RGS7: variants seen among roughly 807,000 people sequenced by gnomAD.
RGS7 encodes regulator of G protein signaling 7.
In RGS7, 27 loss-of-function variants were observed where a neutral mutation model predicts 81.1. That is an observed-to-expected ratio of 0.33 (90% CI 0.25 to 0.46). RGS7 has a LOEUF of 0.46. Ranked by LOEUF, RGS7 falls within the 20% of genes least tolerant of loss-of-function variation. RGS7 has a pLI of 1.00. For missense variants in RGS7, 396 were observed against 607.4 expected (o/e 0.65, Z 3.66); for synonymous variants, 208 against 207.7 (o/e 1.00, Z -0.01).
chr1:241,262,452 A>G (rs2077387100), intron 2 of RGS7, among the ~76,000 whole-genome samples: 1 of 152,232 alleles, frequency 6.6e-6, no homozygotes, highest in Non-Finnish European at 1.5e-5. Context: ...GTTCATGGGC[A>G]CTATCAACAA....
intron 9 of RGS7, among the ~76,000 whole-genome samples, chr1:240,844,783 A>G (rs1349970909): frequency 6.6e-6 from 1 of 152,242 alleles, no homozygotes; most frequent in Non-Finnish European, 1.5e-5. Flanking sequence ...AGAGCACAAA[A>G]GAAATATTTA....
At chr1:241,000,215 G>A (rs1221723988) in intron 3 of RGS7, among the ~76,000 whole-genome samples, 3 of 152,226 alleles carry the variant, frequency 2.0e-5, no homozygotes, top group Non-Finnish European at 4.4e-5. Context: ...GTGGATGGGG[G>A]AAAGGAGGTC....
intron 6 of RGS7, among the ~76,000 whole-genome samples, chr1:240,926,698 C>T (rs1404552063): frequency 6.6e-6 from 1 of 152,170 alleles, no homozygotes; most frequent in East Asian, 1.9e-4. Context: ...GTCCTTAGTG[C>T]TGGATCTCTC....
chr1:240,943,797 G>A (rs1309734223), intron 4 of RGS7, among the ~76,000 whole-genome samples: 1 of 152,190 alleles, frequency 6.6e-6, no homozygotes, highest in East Asian at 1.9e-4. Context: ...AATACCAGAT[G>A]CCAATGAGAG....
At chr1:241,029,269 T>A (rs1005102674) in intron 3 of RGS7, among the ~76,000 whole-genome samples, 1 of 152,190 alleles carries the variant, frequency 6.6e-6, no homozygotes, top group Non-Finnish European at 1.5e-5. Flanking sequence ...ACCCACTTTC[T>A]TTTAGCTTCA....
intron 6 of RGS7, among the ~76,000 whole-genome samples, chr1:240,895,291 CT>C (rs1422890889): frequency 1.7e-5 from 2 of 114,848 alleles, no homozygotes; most frequent in East Asian, 3.9e-4. Flanking sequence ...TTTCTTTTTT[CT>C]TTCTTTTTAG....
At chr1:241,187,653 A>G (rs1264289060) in intron 2 of RGS7, among the ~76,000 whole-genome samples, 1 of 152,180 alleles carries the variant, frequency 6.6e-6, no homozygotes, top group Non-Finnish European at 1.5e-5. Context: ...TTTTAGCCTC[A>G]TGGCTGTTGT....
At chr1:240,937,440 C>T (rs1286720871) in intron 4 of RGS7, among the ~76,000 whole-genome samples, 1 of 152,184 alleles carries the variant, frequency 6.6e-6, no homozygotes, top group Non-Finnish European at 1.5e-5. Context: ...CTCTTTCTCA[C>T]AAGACACTAA....
chr1:241,237,363 C>T (rs2076036226), intron 2 of RGS7, among the ~76,000 whole-genome samples: 1 of 152,154 alleles, frequency 6.6e-6, no homozygotes, highest in African/African-American at 2.4e-5. Context: ...CTAGGCAAGG[C>T]CACAGGGTCT....
At chr1:241,039,402 A>C (rs943896580) in intron 3 of RGS7, among the ~76,000 whole-genome samples, 1 of 152,214 alleles carries the variant, frequency 6.6e-6, no homozygotes, top group African/African-American at 2.4e-5. Flanking sequence ...GAAGGATCTT[A>C]TTCGTTGAAT....
chr1:240,882,189 A>G (rs1253493352), intron 6 of RGS7, among the ~76,000 whole-genome samples: 1 of 152,178 alleles, frequency 6.6e-6, no homozygotes, highest in Non-Finnish European at 1.5e-5. Context: ...TGCTGGGATT[A>G]CAAGCATGAG....
At chr1:241,080,628 G>C (rs2063078413) in intron 3 of RGS7, among the ~76,000 whole-genome samples, 1 of 152,080 alleles carries the variant, frequency 6.6e-6, no homozygotes, top group African/African-American at 2.4e-5. Flanking sequence ...TAGAAATACT[G>C]AATTGTCCAG....
rs115571146 is a variant in RGS7 at position 241,286,394 on chromosome 1, G to A, written c.78+69305C>T. ...CTGTCTGATAAAGGGATGAGAGATC[G>A]TTTCTTATTATTACACATACACGCC... On this transcript the variant is annotated intron_variant, in intron 2 of 18. Coordinates refer to ENST00000440928, the MANE Select transcript of RGS7 (RefSeq NM_001364886.1). Among the ~76,000 whole-genome samples, 1,473 of 152,162 alleles carry A rather than the reference G, an allele frequency of 9.7e-3. 11 individuals are homozygous for A. Among genetic ancestry groups the A allele is most frequent in the African/African-American group, 0.018 (765 of 41,512 alleles).
intron 2 of RGS7, among the ~76,000 whole-genome samples, chr1:241,205,978 C>T (rs901300523): frequency 2.6e-5 from 4 of 151,340 alleles, no homozygotes; most frequent in African/African-American, 9.7e-5. Context: ...GCAGTAATTT[C>T]TAGACAGTAA....
chr1:240,800,809 A>G (rs545442785), intron 17 of RGS7, 88 bp from the exon 18 acceptor site: 1 of 659,938 alleles, frequency 1.5e-6, no homozygotes, highest in African/African-American at 1.9e-5. Flanking sequence ...CAAAAAAAAG[A>G]ATCTTACAAA....
chr1:241,231,344 A>G (rs772569319), intron 2 of RGS7, among the ~76,000 whole-genome samples: 2 of 152,210 alleles, frequency 1.3e-5, no homozygotes, highest in Non-Finnish European at 2.9e-5. Context: ...TTTATTTATT[A>G]TAACAATATC....
rs373357799 is a variant in RGS7 at position 241,271,884 on chromosome 1, CGTGTGTGTGTGTGTGT to C, written c.78+83799_78+83814del. Among the ~76,000 whole-genome samples the C allele has an allele frequency of 6.0e-3, 840 of 140,398 alleles. 8 individuals are homozygous for C. Among genetic ancestry groups the C allele is most frequent in the East Asian group, 0.022 (104 of 4,770 alleles). 92.1% of individuals were successfully genotyped at this position (140,398 alleles called of 152,430 possible). A position where few individuals can be genotyped will look rare whatever the true frequency, so the allele number is the denominator to read the frequency against. ...AATCACACAAGCCAAATCTTTATAA[CGTGTGTGTGTGTGTGT>C]GTGTGTGTGTGTGTGTGTGTGTGTG... On this transcript the variant is annotated intron_variant, in intron 2 of 18. Coordinates refer to ENST00000440928, the MANE Select transcript of RGS7 (RefSeq NM_001364886.1). This position sits in a 1 kb window ranked among gnomAD's most constrained non-coding sequence, Gnocchi z 4.6.
At chr1:240,886,698 T>G (rs971790529) in intron 6 of RGS7, among the ~76,000 whole-genome samples, 3 of 152,158 alleles carry the variant, frequency 2.0e-5, no homozygotes, top group Non-Finnish European at 2.9e-5. Flanking sequence ...AGTCCCAAAC[T>G]GCTGCTAAAT....
intron 10 of RGS7, among the ~76,000 whole-genome samples, chr1:240,819,766 G>A (rs1273439826): frequency 6.6e-6 from 1 of 152,080 alleles, no homozygotes; most frequent in East Asian, 1.9e-4. Flanking sequence ...AAACACAAAG[G>A]TCCCATAAGA....
Sources: gnomAD v4.1 joint callset for allele counts (sites outside exome capture counted in the v4.1 genomes callset) on GRCh38, gnomAD v4.1.1 for gene constraint, Gnocchi (gnomAD v3.1) non-coding constraint, MANE v1.5 for transcripts, NCBI Gene and HGNC (gene_info 2026-07-23, HGNC 2026-07-21) for gene names.